Variants in LHFPL2 observed in about 807,000 individuals in gnomAD.
The protein encoded by LHFPL2 is LHFPL tetraspan subfamily member 2, also known as LHFPL tetraspan subfamily member 2 protein.
Under a neutral mutation model 17.5 loss-of-function variants are expected in LHFPL2, and 7 were observed. That is an observed-to-expected ratio of 0.40 (90% CI 0.23 to 0.75). The LOEUF is 0.75. Ranked by LOEUF, LHFPL2 falls within the 30% of genes least tolerant of loss-of-function variation. The probability of loss-of-function intolerance (pLI) is 0.37; values close to 1 mark genes in which losing one functional copy is unlikely to be tolerated. For missense variants in LHFPL2, 241 were observed against 294.8 expected (o/e 0.82, Z 1.34); for synonymous variants, 134 against 116.2 (o/e 1.15, Z -0.99).
At position 78,565,752 on chromosome 5, in the gene LHFPL2, A is replaced by G. The variant is rs116637618; in HGVS notation, c.-244-881T>C. Among the ~76,000 whole-genome samples the G allele has an allele frequency of 3.0e-3, 451 of 152,358 alleles. 3 individuals are homozygous for G. Among genetic ancestry groups the G allele is most frequent in the African/African-American group, 0.01 (434 of 41,594 alleles). On this transcript the variant is annotated intron_variant, in intron 2 of 4. Coordinates refer to ENST00000380345, the MANE Select transcript of LHFPL2 (RefSeq NM_005779.3). ...AACCTTCCTCAATACCATAGGATCC[A>G]GGGTTTCCAAACACGCCTTTTTCCT... is the stretch of plus-strand genomic sequence containing the variant.
intron 2 of LHFPL2, among the ~76,000 whole-genome samples, chr5:78,590,719 T>C (rs1014437963): frequency 1.3e-5 from 2 of 152,226 alleles, no homozygotes; most frequent in Non-Finnish European, 2.9e-5. Context: ...TAAACAGTCA[T>C]ACGAAACCTA....
intron 2 of LHFPL2, among the ~76,000 whole-genome samples, chr5:78,565,559 C>T (rs1469485475): frequency 2.0e-5 from 3 of 152,168 alleles, no homozygotes; most frequent in Non-Finnish European, 1.5e-5. Flanking sequence ...TTCAGCATTG[C>T]TTTGAAATAT....
chr5:78,576,281 C>A (rs1188983373), intron 2 of LHFPL2, among the ~76,000 whole-genome samples: 5 of 146,970 alleles, frequency 3.4e-5, no homozygotes. Context: ...GGCAACAGAG[C>A]GAGACTCCAT....
intron 3 of LHFPL2, among the ~76,000 whole-genome samples, chr5:78,553,303 AAGGCCCAATTG>A (rs2112396867): frequency 6.6e-6 from 1 of 152,224 alleles, no homozygotes; most frequent in East Asian, 1.9e-4. Context: ...AGTCATTTTC[AAGGCCCAATTG>A]AGAAGTCATG....
At chr5:78,533,716 G>A (rs1947890290) in intron 3 of LHFPL2, among the ~76,000 whole-genome samples, 1 of 152,166 alleles carries the variant, frequency 6.6e-6, no homozygotes, top group South Asian at 2.1e-4. Context: ...TGCAGGATCA[G>A]CTCTGAAAAG....
chr5:78,488,810 G>A lies in LHFPL2; in HGVS notation c.*87C>T. On this transcript the variant is annotated 3_prime_UTR_variant, in exon 5 of 5. Coordinates refer to ENST00000380345, the MANE Select transcript of LHFPL2 (RefSeq NM_005779.3). ...TGGAACGTGGCTTTGGTAGGTAAAG[G>A]TTAGTTCTCCACTTGACTCAAATGA... is the stretch of plus-strand genomic sequence containing the variant. 1 of 1,489,652 alleles carries A rather than the reference G, an allele frequency of 6.7e-7. No homozygotes were observed. The highest frequency in any genetic ancestry group is 1.4e-5 in the African/African-American group (1 of 72,506). 92.3% of individuals were successfully genotyped at this position (1,489,652 alleles called of 1,614,324 possible).
chr5:78,557,653 C>T (rs775092390), intron 3 of LHFPL2, among the ~76,000 whole-genome samples: 62 of 152,218 alleles, frequency 4.1e-4, no homozygotes, highest in Admixed American at 7.2e-4. Context: ...CACCTCCTAA[C>T]ACCACTTGGC....
At chr5:78,540,079 C>T (rs545501898) in intron 3 of LHFPL2, among the ~76,000 whole-genome samples, 6 of 152,190 alleles carry the variant, frequency 3.9e-5, no homozygotes, top group Admixed American at 6.5e-5. Flanking sequence ...AGTGCACACA[C>T]GTACACAATT....
At chr5:78,553,278 C>T (rs905251309) in intron 3 of LHFPL2, among the ~76,000 whole-genome samples, 1 of 152,184 alleles carries the variant, frequency 6.6e-6, no homozygotes, top group African/African-American at 2.4e-5. Flanking sequence ...CCTCTTTCAT[C>T]CCTTGGCAAA....
At chr5:78,645,543 T>TACACACAC (rs56911011) in intron 1 of LHFPL2, among the ~76,000 whole-genome samples, 88 of 137,318 alleles carry the variant, frequency 6.4e-4, no homozygotes, top group African/African-American at 1.5e-3. Flanking sequence ...GACAGATGCA[T>TACACACAC]ACACACACAC....
intron 4 of LHFPL2, among the ~76,000 whole-genome samples, chr5:78,500,887 A>G (rs1053051226): frequency 2.0e-5 from 3 of 152,220 alleles, no homozygotes; most frequent in African/African-American, 7.2e-5. Context: ...GGCCGGGTCT[A>G]TATCAGAATT....
chr5:78,644,270 T>C, intron 1 of LHFPL2: 3 of 817,600 alleles, frequency 3.7e-6, no homozygotes. Context: ...AACCAACTTA[T>C]TCATCATCAT....
chr5:78,514,877 G>C (rs913079554), intron 3 of LHFPL2, among the ~76,000 whole-genome samples: 5 of 152,160 alleles, frequency 3.3e-5, no homozygotes, highest in African/African-American at 9.7e-5. Flanking sequence ...GGCAAGAACA[G>C]ACAATGATCA....
chr5:78,539,936 C>T (rs1463110420), intron 3 of LHFPL2, among the ~76,000 whole-genome samples: 1 of 151,372 alleles, frequency 6.6e-6, no homozygotes, highest in East Asian at 1.9e-4. Flanking sequence ...TCCCACTGTG[C>T]TTGGTTAGGA....
At chr5:78,530,681 C>T (rs2112357167) in intron 3 of LHFPL2, among the ~76,000 whole-genome samples, 1 of 152,312 alleles carries the variant, frequency 6.6e-6, no homozygotes, top group South Asian at 2.1e-4. Flanking sequence ...GGAACCCAAA[C>T]TGATCATAAG....
chr5:78,618,841 C>T (rs2112496091), intron 2 of LHFPL2, among the ~76,000 whole-genome samples: 1 of 152,308 alleles, frequency 6.6e-6, no homozygotes, highest in South Asian at 2.1e-4. Flanking sequence ...AAAAGGCCTG[C>T]TTCGGGACTC....
At chr5:78,572,158 A>G (rs769145248) in intron 2 of LHFPL2, among the ~76,000 whole-genome samples, 26 of 152,192 alleles carry the variant, frequency 1.7e-4, no homozygotes, top group Non-Finnish European at 3.2e-4. Flanking sequence ...CACAGGCAAT[A>G]TAGTTTGGAA....
At chr5:78,495,529 T>TA (rs1044220866) in intron 4 of LHFPL2, among the ~76,000 whole-genome samples, 3 of 152,046 alleles carry the variant, frequency 2.0e-5, no homozygotes, top group African/African-American at 7.2e-5. Context: ...GACTAAATAT[T>TA]AAAGACTAGA....
intron 1 of LHFPL2, chr5:78,644,277 T>A: frequency 1.2e-6 from 1 of 856,426 alleles, no homozygotes; most frequent in East Asian, 2.7e-5. Flanking sequence ...TTATTCATCA[T>A]CATCTTCATC....
Sources: allele counts gnomAD v4.1 joint callset (sites outside exome capture counted in the v4.1 genomes callset), GRCh38; gene constraint gnomAD v4.1.1; transcripts MANE v1.5; gene names NCBI Gene and HGNC (gene_info 2026-07-23, HGNC 2026-07-21).